The following EHBP1 variants were observed in gnomAD, a reference collection of about 807,000 sequenced individuals.
The protein encoded by EHBP1 is EH domain-binding protein 1.
In EHBP1, 55 loss-of-function variants were observed where a neutral mutation model predicts 144.0. The ratio of observed to expected loss-of-function variants is 0.38; its 90% CI spans 0.31 to 0.48. The LOEUF is 0.48. Among genes scored for constraint, EHBP1 ranks in the 20% least tolerant of loss-of-function variants. The pLI, the probability that EHBP1 is intolerant of heterozygous loss-of-function variation, is 0.98. For missense variants in EHBP1, 1,200 were observed against 1,364.2 expected (o/e 0.88, Z 1.90); for synonymous variants, 469 against 472.7 (o/e 0.99, Z 0.10).
chr2:62,856,856 C>T (rs1368213711), intron 7 of EHBP1, among the ~76,000 whole-genome samples: 1 of 152,120 alleles, frequency 6.6e-6, no homozygotes, highest in African/African-American at 2.4e-5. Context: ...ATAAGCTGAC[C>T]GTGACATAGT....
intron 7 of EHBP1, 23 bp from the exon 8 acceptor site, chr2:62,859,146 C>G: frequency 6.3e-7 from 1 of 1,598,180 alleles, no homozygotes; most frequent in Non-Finnish European, 8.5e-7. Context: ...TAATAGGGAA[C>G]TAACCCATAT....
intron 10 of EHBP1, among the ~76,000 whole-genome samples, chr2:62,890,841 T>A (rs890427778): frequency 1.3e-5 from 2 of 152,226 alleles, no homozygotes; most frequent in African/African-American, 4.8e-5. Flanking sequence ...TTATGTTGTC[T>A]GCCTATAGTG....
chr2:63,017,865 A>C (rs1223922948), intron 19 of EHBP1, among the ~76,000 whole-genome samples: 1 of 152,216 alleles, frequency 6.6e-6, no homozygotes, highest in Non-Finnish European at 1.5e-5. Context: ...ATTTTGTTTT[A>C]AAAGGAGAGT....
intron 5 of EHBP1, among the ~76,000 whole-genome samples, chr2:62,797,561 A>G (rs185977630): frequency 2.6e-5 from 4 of 152,358 alleles, no homozygotes; most frequent in African/African-American, 4.8e-5. Context: ...GTGTACTGCT[A>G]TAGTATGTGA....
intron 5 of EHBP1, among the ~76,000 whole-genome samples, chr2:62,780,198 A>G (rs938993108): frequency 1.3e-5 from 2 of 152,110 alleles, no homozygotes; most frequent in African/African-American, 2.4e-5. Flanking sequence ...CAAAGAAAAA[A>G]AAATTGACTA....
In EHBP1 at chr2:62,993,848, G is replaced by A. The variant is rs1434955127; in HGVS notation, c.2873-23G>A. On this transcript the variant is annotated intron_variant, in intron 17 of 22. Transcript: ENST00000431489. ...ATCAAGCTTTACAATAATTTTACAT[G>A]TCTTTCCTCTTTTTTTTTTAAGAGA... 2.0e-6 allele frequency: 3 copies of A among 1,501,666 alleles called. No homozygotes were observed. In the African/African-American group the frequency reaches 4.3e-5, roughly 22 times the overall value. The allele number at this position is 1,501,666 out of a possible 1,614,324, so 93.0% of individuals were successfully genotyped here.
chr2:62,689,949 T>C (rs1183911947), intron 1 of EHBP1, among the ~76,000 whole-genome samples: 2 of 152,270 alleles, frequency 1.3e-5, no homozygotes, highest in Non-Finnish European at 2.9e-5. Flanking sequence ...TAGTCTTTCA[T>C]ATTTCTTCTT....
chr2:62,767,173 C>T (rs566589855), intron 4 of EHBP1, among the ~76,000 whole-genome samples: 3 of 152,066 alleles, frequency 2.0e-5, no homozygotes, highest in East Asian at 3.9e-4. Flanking sequence ...AAAACGTTGC[C>T]GCTAGCGGTA....
chr2:62,734,069 T>G (rs1400090394), intron 2 of EHBP1, among the ~76,000 whole-genome samples: 1 of 152,202 alleles, frequency 6.6e-6, no homozygotes, highest in Non-Finnish European at 1.5e-5. Flanking sequence ...AGTGACAGCT[T>G]CCAGGCTCCT....
At chr2:62,761,279 A>T (rs2040746775) in intron 3 of EHBP1, among the ~76,000 whole-genome samples, 1 of 152,136 alleles carries the variant, frequency 6.6e-6, no homozygotes, top group Non-Finnish European at 1.5e-5. Context: ...TTAATCAAGA[A>T]AACTCTGTTC....
chr2:62,728,086 G>T (rs1007224287), intron 2 of EHBP1, among the ~76,000 whole-genome samples: 21 of 152,210 alleles, frequency 1.4e-4, no homozygotes, highest in Non-Finnish European at 2.6e-4. Context: ...AGTCTGGCCA[G>T]AGGCAACAAG....
chr2:62,943,535 T>C (rs2056897201), intron 11 of EHBP1, among the ~76,000 whole-genome samples: 1 of 152,154 alleles, frequency 6.6e-6, no homozygotes, highest in African/African-American at 2.4e-5. Context: ...CTAAATTTGG[T>C]TGTCAAGGCT....
At chr2:62,704,953 A>G (rs2034409315), upstream of EHBP1, among the ~76,000 whole-genome samples, 1 of 152,166 alleles carries the variant, frequency 6.6e-6, no homozygotes, top group Non-Finnish European at 1.5e-5. Flanking sequence ...ACTAGGGGCA[A>G]AAGAGTCCGA....
chr2:62,687,288 G>A (rs17027098), intron 1 of EHBP1, among the ~76,000 whole-genome samples: 16,629 of 152,168 alleles, frequency 0.11, 1,201 homozygotes, highest in East Asian at 0.19. Flanking sequence ...AAACCCAAAG[G>A]CATTTTTCCT....
intron 1 of EHBP1, among the ~76,000 whole-genome samples, chr2:62,682,159 A>G (rs1282424127): frequency 6.6e-6 from 1 of 152,256 alleles, no homozygotes; most frequent in Non-Finnish European, 1.5e-5. Context: ...TGTGGAGGAC[A>G]TGCCTACATT....
chr2:62,730,358 A>G (rs1387783554), intron 2 of EHBP1, among the ~76,000 whole-genome samples: 1 of 152,004 alleles, frequency 6.6e-6, no homozygotes, highest in Non-Finnish European at 1.5e-5. Context: ...TACTGTCACC[A>G]TAGTTTTGCC....
intron 1 of EHBP1, among the ~76,000 whole-genome samples, chr2:62,696,475 T>G (rs1212664519): frequency 6.6e-6 from 1 of 150,574 alleles, no homozygotes; most frequent in African/African-American, 2.4e-5. Context: ...TTTCTTCTCT[T>G]TTTTCTTTTT....
At chr2:62,725,551 G>T (rs2036686209) in intron 2 of EHBP1, among the ~76,000 whole-genome samples, 1 of 152,216 alleles carries the variant, frequency 6.6e-6, no homozygotes, top group African/African-American at 2.4e-5. Context: ...GGGCAGCAGG[G>T]AGTCTGCTGT....
At chr2:62,793,290 A>G (rs1435343631) in intron 5 of EHBP1, among the ~76,000 whole-genome samples, 3 of 152,080 alleles carry the variant, frequency 2.0e-5, no homozygotes, top group Non-Finnish European at 4.4e-5. Context: ...ACTTTTTTTC[A>G]ACCACTCACA....
Sources: allele counts gnomAD v4.1 joint callset (sites outside exome capture counted in the v4.1 genomes callset), GRCh38; gene constraint gnomAD v4.1.1; transcripts MANE v1.5; gene names NCBI Gene and HGNC (gene_info 2026-07-23, HGNC 2026-07-21).